The following SGCD variants were observed in gnomAD, a reference collection of about 807,000 sequenced individuals.
The protein encoded by SGCD is delta-sarcoglycan.
In SGCD, 18 loss-of-function variants were observed where a neutral mutation model predicts 36.6. The observed-to-expected ratio is 0.49, with a 90% CI of 0.34 to 0.73. The LOEUF (loss-of-function observed/expected upper bound fraction) is 0.73, where lower values mean the gene tolerates loss of function less well. Ranked by LOEUF, SGCD falls within the 30% of genes least tolerant of loss-of-function variation. The pLI, the probability that SGCD is intolerant of heterozygous loss-of-function variation, is 0.01. For synonymous variants in SGCD, 133 were observed against 130.6 expected (o/e 1.02, Z -0.12); for missense variants, 387 against 346.7 (o/e 1.12, Z -0.92).
At chr5:156,231,628 A>C (rs1408076059) in intron 3 of SGCD, among the ~76,000 whole-genome samples, 3 of 152,364 alleles carry the variant, frequency 2.0e-5, no homozygotes, top group East Asian at 3.9e-4. Context: ...TTACTGATGC[A>C]GGATGAGCCA....
chr5:156,344,450 T>C (rs770626902), intron 2 of SGCD, 39 bp from the exon 3 acceptor site: 19 of 1,409,238 alleles, frequency 1.3e-5, no homozygotes, highest in Non-Finnish European at 1.1e-5. Context: ...CTCTCAGCGG[T>C]TTAATGTGAG....
At chr5:156,599,176 A>C (rs529120488) in intron 6 of SGCD, among the ~76,000 whole-genome samples, 3 of 152,276 alleles carry the variant, frequency 2.0e-5, no homozygotes, top group Admixed American at 6.5e-5. Context: ...AAGTCTAGGC[A>C]GTTTCATTTT....
At chr5:156,676,059 T>C (rs1040164823) in intron 7 of SGCD, among the ~76,000 whole-genome samples, 2 of 152,204 alleles carry the variant, frequency 1.3e-5, no homozygotes, top group Non-Finnish European at 2.9e-5. Flanking sequence ...TAAACTCTAA[T>C]GAGATTTATT....
the SGCD span, among the ~76,000 whole-genome samples, chr5:155,748,675 A>G: frequency 6.6e-6 from 1 of 152,202 alleles, no homozygotes; most frequent in African/African-American, 2.4e-5. Flanking sequence ...AGTCACATGT[A>G]TTAAATTCAT....
chr5:155,790,505 A>G, the SGCD span, among the ~76,000 whole-genome samples: 4 of 152,102 alleles, frequency 2.6e-5, no homozygotes, highest in African/African-American at 9.7e-5. Context: ...TAAGAATTTT[A>G]TAAATATGAC....
chr5:156,433,430 C>T (rs998541739), intron 3 of SGCD, among the ~76,000 whole-genome samples: 4 of 152,164 alleles, frequency 2.6e-5, no homozygotes, highest in Non-Finnish European at 4.4e-5. Flanking sequence ...ATGAACTAAG[C>T]AGAAGAACAA....
intron 7 of SGCD, among the ~76,000 whole-genome samples, chr5:156,680,870 C>T (rs370751591): frequency 2.0e-5 from 3 of 152,174 alleles, no homozygotes; most frequent in African/African-American, 7.2e-5. Context: ...TCCTTGACCC[C>T]CTTCATGGGC....
intron 1 of SGCD, among the ~76,000 whole-genome samples, chr5:155,994,500 C>A (rs563954244): frequency 6.6e-6 from 1 of 152,092 alleles, no homozygotes; most frequent in African/African-American, 2.4e-5. Flanking sequence ...TATTTGGTAA[C>A]GATGTGATGT....
the SGCD span, among the ~76,000 whole-genome samples, chr5:155,759,705 T>TATTATTG: frequency 6.6e-6 from 1 of 152,192 alleles, no homozygotes; most frequent in Non-Finnish European, 1.5e-5. Flanking sequence ...TGACCAAATT[T>TATTATTG]ATTATTGATT....
chr5:156,390,591 G>A (rs1217362095), intron 3 of SGCD, among the ~76,000 whole-genome samples: 1 of 152,146 alleles, frequency 6.6e-6, no homozygotes, highest in African/African-American at 2.4e-5. Flanking sequence ...TCAGCCGGGT[G>A]TGGTGGCATG....
chr5:156,068,728 C>G (rs1487993992), intron 1 of SGCD, among the ~76,000 whole-genome samples: 1 of 151,654 alleles, frequency 6.6e-6, no homozygotes, highest in Admixed American at 6.6e-5. Flanking sequence ...AACTAGTTTA[C>G]AGTCCCACCA....
intron 6 of SGCD, among the ~76,000 whole-genome samples, chr5:156,643,041 T>TA (rs1478019175): frequency 6.7e-4 from 1 of 1,498 alleles, no homozygotes; most frequent in African/African-American, 0.012. Flanking sequence ...TTTTTGTTTG[T>TA]TTTTTTTTGA....
chr5:156,562,518 C>T (rs894609609), intron 4 of SGCD, among the ~76,000 whole-genome samples: 4 of 152,124 alleles, frequency 2.6e-5, no homozygotes, highest in East Asian at 1.9e-4. Flanking sequence ...AGGCAGGTGG[C>T]GTGGACCTCC....
intron 4 of SGCD, among the ~76,000 whole-genome samples, chr5:156,549,440 A>G (rs1244213523): frequency 6.6e-6 from 1 of 152,244 alleles, no homozygotes; most frequent in Admixed American, 6.5e-5. Context: ...ACATTTGTCA[A>G]GCACCTGCTA....
At chr5:156,170,708 A>T (rs1763322773) in intron 3 of SGCD, among the ~76,000 whole-genome samples, 1 of 152,172 alleles carries the variant, frequency 6.6e-6, no homozygotes, top group Non-Finnish European at 1.5e-5. Context: ...ACAGGTCAGG[A>T]AACATCTATC....
intron 4 of SGCD, among the ~76,000 whole-genome samples, chr5:156,548,295 G>A (rs1758661265): frequency 6.6e-6 from 1 of 152,216 alleles, no homozygotes. Flanking sequence ...TTTGGAAGGA[G>A]AAGAGTTAAT....
chr5:156,617,222 C>T (rs542015108), intron 6 of SGCD, among the ~76,000 whole-genome samples: 24 of 152,314 alleles, frequency 1.6e-4, no homozygotes, highest in Middle Eastern at 3.4e-3. Flanking sequence ...AAATGTCTCA[C>T]AACTCACCTG....
chr5:156,332,180 G>C (rs1188793506), intron 2 of SGCD, among the ~76,000 whole-genome samples: 1 of 152,176 alleles, frequency 6.6e-6, no homozygotes, highest in South Asian at 2.1e-4. Context: ...CCCCTCTGAT[G>C]TTACCAGGCT....
chr5:156,701,646 A>G (rs1259176668), intron 7 of SGCD, among the ~76,000 whole-genome samples: 7 of 152,186 alleles, frequency 4.6e-5, no homozygotes, highest in African/African-American at 1.4e-4. Context: ...TTAGACCATC[A>G]TTCTCAGTAA....
Sources: allele counts gnomAD v4.1 joint callset (sites outside exome capture counted in the v4.1 genomes callset), GRCh38; gene constraint gnomAD v4.1.1; transcripts MANE v1.5; gene names NCBI Gene and HGNC (gene_info 2026-07-23, HGNC 2026-07-21).